PCDHGA9: variants seen among roughly 807,000 people sequenced by gnomAD.
PCDHGA9 encodes the protein protocadherin gamma subfamily A, 9, also known as protocadherin gamma-A9.
A neutral mutation model predicts 62.5 loss-of-function variants in PCDHGA9; 37 were observed. The observed-to-expected ratio is 0.59, with a 90% CI of 0.46 to 0.78. PCDHGA9 has a LOEUF of 0.78. Ranked by LOEUF, PCDHGA9 falls within the 30% of genes least tolerant of loss-of-function variation. The probability of loss-of-function intolerance (pLI) is 0.00; values close to 1 mark genes in which losing one functional copy is unlikely to be tolerated. For missense variants in PCDHGA9, 1,138 were observed against 1,166.2 expected (o/e 0.98, Z 0.35); for synonymous variants, 459 against 484.6 (o/e 0.95, Z 0.69).
chr5:141,486,168 A>C lies in PCDHGA9; in HGVS notation c.2425-8639A>C, dbSNP rs774913463. 6.2e-7 allele frequency: 1 copy of C among 1,614,196 alleles called. No homozygotes were observed. Among genetic ancestry groups the C allele is most frequent in the South Asian group, 1.1e-5 (1 of 91,084 alleles). On this transcript the variant is annotated intron_variant, in intron 1 of 3. Transcript: ENST00000573521. The surrounding 1 kb of genome is among the most constrained non-coding windows in gnomAD (Gnocchi z 5.0). ...GATGGGGGTTCTCCAGCCATGGAGC[A>C]ACATTGCAGCCTTCGAGTGGATCTG...
chr5:141,414,283 G>A, intron 1 of PCDHGA9: 1 of 1,613,520 alleles, frequency 6.2e-7, no homozygotes, highest in South Asian at 1.1e-5. Flanking sequence ...GGGAACAGTC[G>A]TAGCCCTTTT....
intron 1 of PCDHGA9, among the ~76,000 whole-genome samples, chr5:141,460,912 G>GTGTATA (rs145509489): frequency 0.032 from 4,842 of 149,286 alleles, 90 homozygotes; most frequent in Middle Eastern, 0.083. Flanking sequence ...ATTCCATGGT[G>GTGTATA]TATATATATA....
intron 1 of PCDHGA9, chr5:141,419,647 G>A (rs370948584): frequency 1.0e-4 from 165 of 1,612,474 alleles, no homozygotes; most frequent in Non-Finnish European, 1.4e-4. Context: ...CCGTGGACGC[G>A]GACTCGGGGC....
At chr5:141,429,469 T>C (rs547784462) in intron 1 of PCDHGA9, among the ~76,000 whole-genome samples, 4 of 151,932 alleles carry the variant, frequency 2.6e-5, no homozygotes, top group African/African-American at 4.8e-5. Context: ...CCCACCTCAA[T>C]CTCCAGAGTA....
chr5:141,404,551 G>A lies in PCDHGA9; in HGVS notation c.1599G>A (p.Thr533=), dbSNP rs764332245. 31 of 1,613,748 alleles carry A rather than the reference G, an allele frequency of 1.9e-5. No individual in the cohort carries two copies. Among genetic ancestry groups the A allele is most frequent in the African/African-American group, 1.1e-4 (8 of 74,920 alleles). The change falls in exon 1 of 4, where the codon ACG becomes ACA. Residue 533 remains threonine, a synonymous_variant. Transcript: ENST00000573521. ...EQFRDLQMQV[T]ASDSGSPPLS... ...TTAGAGATTTGCAAATGCAGGTGAC[G>A]GCAAGTGACAGTGGAAGCCCACCAC...
rs1036281905 is a variant in PCDHGA9 at position 141,493,555 on chromosome 5, T to A, written c.2425-1252T>A. Among the ~76,000 whole-genome samples, 3 of 152,012 alleles carry A rather than the reference T, an allele frequency of 2.0e-5. No individual in the cohort carries two copies. ...GCCAGTTATCCTTTTGGAGATTGAG[T>A]TCCCCCAGCTCCGTTTCCTCCTATC... On this transcript the variant is annotated intron_variant, in intron 1 of 3. Transcript: ENST00000573521. The surrounding 1 kb of genome is among the most constrained non-coding windows in gnomAD (Gnocchi z 4.3).
intron 1 of PCDHGA9, chr5:141,422,633 G>A (rs769515606): frequency 1.9e-6 from 3 of 1,613,120 alleles, no homozygotes; most frequent in Non-Finnish European, 2.5e-6. Flanking sequence ...AACCCCAGGG[G>A]TGCCTCCATC....
At chr5:141,470,599 C>T (rs967683467) in intron 1 of PCDHGA9, among the ~76,000 whole-genome samples, 12 of 152,194 alleles carry the variant, frequency 7.9e-5, no homozygotes, top group Non-Finnish European at 1.2e-4. Context: ...GCGACCTGTG[C>T]GGGGACACAG....
At chr5:141,510,124 A>G (rs2099879540) in intron 3 of PCDHGA9, among the ~76,000 whole-genome samples, 1 of 152,156 alleles carries the variant, frequency 6.6e-6, no homozygotes, top group Admixed American at 6.5e-5. Context: ...AAATACAAAA[A>G]TTAGCTGGGC....
intron 3 of PCDHGA9, chr5:141,507,166 GTCC>G (rs1475125845): frequency 6.6e-5 from 10 of 152,288 alleles, no homozygotes; most frequent in Non-Finnish European, 1.2e-4. Context: ...ATGAGAGGCT[GTCC>G]TCTTCCTCGA....
rs374200575 is a variant in PCDHGA9 at position 141,432,105 on chromosome 5, C to G, written c.2424+26729C>G. On this transcript the variant is annotated intron_variant, in intron 1 of 3. Transcript: ENST00000573521. This position sits in a 1 kb window ranked among gnomAD's most constrained non-coding sequence, Gnocchi z 6.0. The stretch of plus-strand genomic sequence containing the variant: ...AACGTGGCAGACACCAACGACAACC[C>G]GCCGGTCTTCCCTCAGGCCTCCTAT... 1.2e-6 allele frequency: 2 copies of G among 1,614,172 alleles called. No individual in the cohort carries two copies. Among genetic ancestry groups the G allele is most frequent in the Non-Finnish European group, 1.7e-6 (2 of 1,180,034 alleles).
intron 1 of PCDHGA9, chr5:141,419,462 C>T: frequency 6.2e-7 from 1 of 1,612,582 alleles, no homozygotes. Flanking sequence ...GCTGCAGGCC[C>T]GCGACCAGGG....
intron 1 of PCDHGA9, chr5:141,429,208 G>A (rs568951026): frequency 5.4e-4 from 77 of 142,568 alleles, no homozygotes; most frequent in African/African-American, 1.9e-3. Context: ...ACACACACGT[G>A]TGAAAAGTGG....
chr5:141,505,507 A>G, intron 3 of PCDHGA9, 26 bp downstream of exon 3: 1 of 1,614,004 alleles, frequency 6.2e-7, no homozygotes, highest in South Asian at 1.1e-5. Flanking sequence ...GTGTGTATGG[A>G]AGAGTGGGAG....
At chr5:141,443,199 G>C (rs936013020) in intron 1 of PCDHGA9, among the ~76,000 whole-genome samples, 1 of 152,002 alleles carries the variant, frequency 6.6e-6, no homozygotes. Context: ...ATAGTACAAA[G>C]AGCTTGTCTC....
rs1304554303 is a variant in PCDHGA9, at chr5:141,403,611, C to G, written c.659C>G (p.Pro220Arg). 3 of 1,613,860 alleles carry G rather than the reference C, an allele frequency of 1.9e-6. No homozygotes were observed. The highest frequency in any genetic ancestry group is 2.5e-6 in the Non-Finnish European group (3 of 1,179,892). ...LVLTASDGGE[P>R]RRSSTVRIHV... is the part of the protein sequence containing the mutation. Reference sequence around the variant, plus strand: ...CTCACGGCCTCGGATGGCGGCGAGCCGCGTCGCTCCAGCACAGTGCGCATC... The same window carrying G: ...CTCACGGCCTCGGATGGCGGCGAGCGGCGTCGCTCCAGCACAGTGCGCATC... Residue 220 changes from proline to arginine, a missense_variant, in exon 1 of 4, where the codon CCG (proline) becomes CGG (arginine). Physicochemically the swap from Pro to Arg is moderately radical, Grantham distance 103. Transcript: ENST00000573521.
At position 141,476,994 on chromosome 5, in the gene PCDHGA9, A is replaced by T; in HGVS notation, c.2425-17813A>T. 6.2e-7 allele frequency: 1 copy of T among 1,614,260 alleles called. No individual in the cohort carries two copies. The highest frequency in any genetic ancestry group is 2.2e-5 in the East Asian group (1 of 44,884). On this transcript the variant is annotated intron_variant, in intron 1 of 3. Transcript: ENST00000573521. This position sits in a 1 kb window ranked among gnomAD's most constrained non-coding sequence, Gnocchi z 7.6. ...AGCCACAACCGCGCCGGCGTGCGGC[A>T]ACTATTCGCCTTAGACCTTGTAACC...
At chr5:141,492,500 C>G (rs2099741252) in intron 1 of PCDHGA9, among the ~76,000 whole-genome samples, 1 of 152,322 alleles carries the variant, frequency 6.6e-6, no homozygotes, top group South Asian at 2.1e-4. Flanking sequence ...GCGAGGACTC[C>G]GGAGCCTCCT....
In PCDHGA9 at chr5:141,486,675, A is replaced by T; in HGVS notation, c.2425-8132A>T. On this transcript the variant is annotated intron_variant, in intron 1 of 3. Coordinates refer to ENST00000573521, the MANE Select transcript of PCDHGA9 (RefSeq NM_018921.3). The surrounding 1 kb of genome is among the most constrained non-coding windows in gnomAD (Gnocchi z 5.0). ...TCACTCCTGGAGCCCAGGAATCGAGATGTATCAGCTTCCTCTTTCATCTCT... is the reference window on the plus strand; with the variant it reads ...TCACTCCTGGAGCCCAGGAATCGAGTTGTATCAGCTTCCTCTTTCATCTCT... The T allele has an allele frequency of 6.2e-7, 1 of 1,614,056 alleles. No individual in the cohort carries two copies. The highest frequency in any genetic ancestry group is 8.5e-7 in the Non-Finnish European group (1 of 1,180,016).
Sources: gnomAD v4.1 joint callset for allele counts (sites outside exome capture counted in the v4.1 genomes callset) on GRCh38, gnomAD v4.1.1 for gene constraint, Gnocchi (gnomAD v3.1) non-coding constraint, MANE v1.5 for transcripts, NCBI Gene and HGNC (gene_info 2026-07-23, HGNC 2026-07-21) for gene names.